CTNNA3: variants seen among roughly 807,000 people sequenced by gnomAD.
CTNNA3 encodes the protein catenin alpha-3.
Under a neutral mutation model 95.7 loss-of-function variants are expected in CTNNA3, and 76 were observed. That is an observed-to-expected ratio of 0.79 (90% CI 0.66 to 0.96). The LOEUF (loss-of-function observed/expected upper bound fraction) is 0.96, where lower values mean the gene tolerates loss of function less well. CTNNA3 is among the 40% of genes least tolerant of loss of function. CTNNA3 has a pLI of 0.00. For missense variants in CTNNA3, 1,191 were observed against 1,089.8 expected (o/e 1.09, Z -1.31); for synonymous variants, 431 against 374.4 (o/e 1.15, Z -1.74).
intron 5 of CTNNA3, among the ~76,000 whole-genome samples, chr10:67,306,171 A>AT (rs1211107568): frequency 3.9e-5 from 6 of 152,088 alleles, no homozygotes; most frequent in South Asian, 4.2e-4. Context: ...CAAAAAAAAA[A>AT]TTATAGAGCC....
chr10:67,680,544 G>A (rs1360499064), intron 1 of CTNNA3, among the ~76,000 whole-genome samples: 1 of 152,080 alleles, frequency 6.6e-6, no homozygotes, highest in African/African-American at 2.4e-5. Flanking sequence ...CAGTACTTCT[G>A]TATCACTGTC....
intron 13 of CTNNA3, among the ~76,000 whole-genome samples, chr10:66,151,232 C>A (rs1248231163): frequency 6.6e-6 from 1 of 151,734 alleles, no homozygotes; most frequent in Admixed American, 6.6e-5. Flanking sequence ...ACTATGGGGA[C>A]AACTTATGAA....
Position 66,479,605 on chromosome 10 carries a change from C to T in CTNNA3, c.1531+41012G>A, listed in dbSNP as rs149127599. Among the ~76,000 whole-genome samples the T allele has an allele frequency of 3.0e-3, 450 of 151,878 alleles. 1 individual carries two copies. The highest frequency in any genetic ancestry group is 0.01 in the African/African-American group (426 of 41,464). On this transcript the variant is annotated intron_variant, in intron 11 of 17. Coordinates refer to ENST00000433211, the MANE Select transcript of CTNNA3 (RefSeq NM_013266.4). ...CCTTAGTCACAAATAATTATATTTT[C>T]TTTCAAAAGTGTATTAAAATTGTGA... is the stretch of plus-strand genomic sequence containing the variant.
intron 1 of CTNNA3, among the ~76,000 whole-genome samples, chr10:67,760,922 T>C (rs1245082849): frequency 2.6e-5 from 4 of 152,206 alleles, no homozygotes; most frequent in African/African-American, 4.8e-5. Context: ...TATTTCATTA[T>C]ATATTACAAT....
chr10:67,056,830 G>A (rs988471271), intron 7 of CTNNA3, among the ~76,000 whole-genome samples: 2 of 152,162 alleles, frequency 1.3e-5, no homozygotes, highest in African/African-American at 4.8e-5. Context: ...TCATTTACTT[G>A]TATAACCTGC....
At chr10:67,528,230 A>T (rs895468618) in intron 4 of CTNNA3, among the ~76,000 whole-genome samples, 1 of 152,190 alleles carries the variant, frequency 6.6e-6, no homozygotes, top group African/African-American at 2.4e-5. Flanking sequence ...CTTCAACTTG[A>T]TGGAGTTTAT....
At chr10:67,467,427 T>C (rs1212678286) in intron 5 of CTNNA3, among the ~76,000 whole-genome samples, 2 of 152,132 alleles carry the variant, frequency 1.3e-5, no homozygotes, top group African/African-American at 4.8e-5. Context: ...ACTTTTAGAC[T>C]TCGTTCTCTA....
At chr10:67,638,580 T>C (rs1839408683) in intron 2 of CTNNA3, among the ~76,000 whole-genome samples, 1 of 152,154 alleles carries the variant, frequency 6.6e-6, no homozygotes, top group Non-Finnish European at 1.5e-5. Flanking sequence ...CGCACTGCAC[T>C]TATTACAAAA....
At chr10:67,699,058 A>T (rs541843935), upstream of CTNNA3, among the ~76,000 whole-genome samples, 6 of 152,096 alleles carry the variant, frequency 3.9e-5, no homozygotes, top group East Asian at 1.2e-3. Context: ...GCTCTTACCA[A>T]AGGCTAATCT....
At chr10:66,055,817 G>A (rs1258286549) in intron 15 of CTNNA3, among the ~76,000 whole-genome samples, 1 of 150,688 alleles carries the variant, frequency 6.6e-6, no homozygotes, top group Non-Finnish European at 1.5e-5. Flanking sequence ...AGTTACTCAG[G>A]AGGCTGAAGC....
chr10:67,587,234 TG>T (rs2133337686), intron 3 of CTNNA3, among the ~76,000 whole-genome samples: 1 of 149,630 alleles, frequency 6.7e-6, no homozygotes, highest in African/African-American at 2.4e-5. Context: ...TGTGTGTGTG[TG>T]TGTGTGTAGA....
At chr10:67,319,497 A>G (rs1841216239) in intron 5 of CTNNA3, among the ~76,000 whole-genome samples, 1 of 152,162 alleles carries the variant, frequency 6.6e-6, no homozygotes, top group Admixed American at 6.5e-5. Context: ...AAAATTTTGC[A>G]ATTAATTTAA....
chr10:66,508,124 A>G (rs1397534898), intron 11 of CTNNA3, among the ~76,000 whole-genome samples: 1 of 151,246 alleles, frequency 6.6e-6, no homozygotes, highest in East Asian at 1.9e-4. Context: ...ATAAATTCTT[A>G]CAATCTGATC....
At chr10:67,255,020 G>A (rs1866279949) in intron 5 of CTNNA3, among the ~76,000 whole-genome samples, 1 of 152,150 alleles carries the variant, frequency 6.6e-6, no homozygotes, top group African/African-American at 2.4e-5. Flanking sequence ...TTCTGGCCGG[G>A]CATGGTGGCT....
At chr10:66,199,163 G>C (rs1020371115) in intron 13 of CTNNA3, among the ~76,000 whole-genome samples, 1 of 151,912 alleles carries the variant, frequency 6.6e-6, no homozygotes, top group African/African-American at 2.4e-5. Flanking sequence ...TTACCTTCTC[G>C]GAGGAGGCTG....
In CTNNA3 at chr10:66,850,055, G is replaced by A. The variant is rs79323312; in HGVS notation, c.1048-74531C>T. 9.0e-3 allele frequency among the ~76,000 whole-genome samples: 1,375 copies of A among 152,110 alleles called. 17 individuals carry two copies. The highest frequency in any genetic ancestry group is 0.031 in the African/African-American group (1,285 of 41,522). On this transcript the variant is annotated intron_variant, in intron 7 of 17. Coordinates refer to ENST00000433211, the MANE Select transcript of CTNNA3 (RefSeq NM_013266.4). ...CAATGTAAAAATTTACACATGATCC[G>A]CATTCCTAAACTATGCAAAATGCAT...
intron 7 of CTNNA3, among the ~76,000 whole-genome samples, chr10:67,020,321 A>G (rs1852925778): frequency 6.6e-6 from 1 of 152,198 alleles, no homozygotes; most frequent in Non-Finnish European, 1.5e-5. Flanking sequence ...GTTAAATTAT[A>G]TTATTAAGAG....
chr10:67,619,323 G>T (rs749035517), intron 2 of CTNNA3, among the ~76,000 whole-genome samples: 35 of 152,272 alleles, frequency 2.3e-4, no homozygotes, highest in Middle Eastern at 3.4e-3. Context: ...TACATTTACA[G>T]CCAACTGATT....
At chr10:66,623,297 T>C (rs952957287) in intron 9 of CTNNA3, among the ~76,000 whole-genome samples, 9 of 152,152 alleles carry the variant, frequency 5.9e-5, no homozygotes, top group Non-Finnish European at 1.3e-4. Context: ...TGGCTCAATG[T>C]GGTCAAATTA....
Sources: gnomAD v4.1 joint callset for allele counts (sites outside exome capture counted in the v4.1 genomes callset) on GRCh38, gnomAD v4.1.1 for gene constraint, MANE v1.5 for transcripts, NCBI Gene and HGNC (gene_info 2026-07-23, HGNC 2026-07-21) for gene names.